LILRA4: variants seen among roughly 807,000 people sequenced by gnomAD.
The protein encoded by LILRA4 is leukocyte immunoglobulin like receptor A4.
In LILRA4, 51 loss-of-function variants were observed where a neutral mutation model predicts 49.5. The observed-to-expected ratio is 1.03, with a 90% CI of 0.82 to 1.30. LILRA4 has a LOEUF of 1.30. Ranked by LOEUF, LILRA4 falls within the 50% of genes most tolerant of loss-of-function variation. The pLI is 0.00. For synonymous variants in LILRA4, 272 were observed against 265.6 expected (o/e 1.02, Z -0.23); for missense variants, 624 against 625.6 (o/e 1.00, Z 0.03).
intron 5 of LILRA4, 77 bp downstream of exon 5, chr19:54,337,323 C>T (rs929787055): frequency 1.3e-6 from 2 of 1,577,104 alleles, no homozygotes; most frequent in Non-Finnish European, 1.7e-6. Flanking sequence ...CTCATCCCGG[C>T]CATCACCACC....
In LILRA4 at chr19:54,337,138, T is replaced by A. The variant is rs1251349351; in HGVS notation, c.958A>T (p.Ile320Phe). ...DPLDILIAGQ[I>F]SDRPSLSVQP... ...ACTGAGAGGGAGGGTCTGTCAGAGA[T>A]CTGTCCTGGAGAAAAGAAGGACGGG... The change falls in exon 6 of 8, where the codon ATC (isoleucine) becomes TTC (phenylalanine). Residue 320 changes from isoleucine to phenylalanine, a missense_variant. Physicochemically the swap from Ile to Phe is conservative, Grantham distance 21 (BLOSUM62 0). Transcript: ENST00000291759. The A allele has an allele frequency of 2.5e-6, 4 of 1,612,440 alleles. No individual in the cohort carries two copies. The highest frequency in any genetic ancestry group is 2.5e-6 in the Non-Finnish European group (3 of 1,179,068).
Position 54,337,096 on chromosome 19 carries a change from C to T in LILRA4, c.1000G>A (p.Val334Met), listed in dbSNP as rs765596541. The T allele has an allele frequency of 7.4e-6, 12 of 1,613,908 alleles. No homozygotes were observed. The highest frequency in any genetic ancestry group is 1.0e-5 in the Non-Finnish European group (12 of 1,179,982). ...PSLSVQPGPTVTSGEKVTLLC... is the reference protein window; with the variant it reads ...PSLSVQPGPTMTSGEKVTLLC... The stretch of plus-strand genomic sequence containing the variant: ...AGGGTCACCTTCTCTCCTGAGGTCA[C>T]CGTGGGGCCCGGCTGCACTGAGAGG... The change falls in exon 6 of 8, where the codon GTG (valine) becomes ATG (methionine). Residue 334 changes from valine (V) to methionine (M), a missense_variant. Val to Met is a conservative substitution (Grantham distance 21). Coordinates refer to ENST00000291759, the MANE Select transcript of LILRA4 (RefSeq NM_012276.5).
rs73938668 is a variant in LILRA4 at position 54,333,760 on chromosome 19, G to C, written c.1312C>G (p.His438Asp). The part of the protein sequence containing the change: ...QKKSDSKTAP[H>D]LQDYTVENLI... Reference sequence around the variant, plus strand: ...TTCTCCACTGTGTAATCCTGGAGGTGTGGGGCTAGGGATGGTGGACAAAGA... The same window carrying C: ...TTCTCCACTGTGTAATCCTGGAGGTCTGGGGCTAGGGATGGTGGACAAAGA... The change falls in exon 8 of 8, where the codon CAC (histidine) becomes GAC (aspartate). Residue 438 changes from histidine (H) to aspartate (D), a missense_variant. Transcript: ENST00000291759. The C allele has an allele frequency of 1.3e-3, 2,087 of 1,614,094 alleles. 21 individuals carry two copies. In the African/African-American group the frequency reaches 0.022, roughly 17 times the overall value.
intron 3 of LILRA4, 24 bp from the exon 4 acceptor site, chr19:54,338,259 C>G (rs758203709): frequency 5.6e-6 from 9 of 1,597,798 alleles, no homozygotes; most frequent in Non-Finnish European, 7.7e-6. Flanking sequence ...AAAAGGCAGC[C>G]GTGTTTAAAT....
At chr19:54,334,575 G>A (rs1297061863) in intron 6 of LILRA4, 1 of 152,192 alleles carries the variant, frequency 6.6e-6, no homozygotes, top group Non-Finnish European at 1.5e-5. Context: ...TAATGACTAA[G>A]TGGGACAGAA....
chr19:54,337,451 C>T lies in LILRA4; in HGVS notation c.901G>A (p.Val301Ile), dbSNP rs55828618. The change falls in exon 5 of 8, where the codon GTC becomes ATC. Residue 301 changes from valine to isoleucine, a missense_variant. Coordinates refer to ENST00000291759, the MANE Select transcript of LILRA4 (RefSeq NM_012276.5). ...GQYRCYGAHN[V>I]SSEWSAPSDP... is the part of the protein sequence containing the mutation. ...CTGGGGGCCGACCACTCGGAGGAGA[C>T]GTTGTGTGCGCCGTAGCATCTGTAC... The T allele has an allele frequency of 2.8e-5, 45 of 1,611,654 alleles. No individual in the cohort carries two copies. The highest frequency in any genetic ancestry group is 2.4e-4 in the South Asian group (22 of 90,988).
intron 6 of LILRA4, 55 bp from the exon 7 acceptor site, chr19:54,334,020 G>C (rs2081298772): frequency 7.1e-7 from 1 of 1,408,894 alleles, no homozygotes; most frequent in African/African-American, 1.4e-5. Flanking sequence ...TCTCCCCTGG[G>C]CAATGCATTC....
chr19:54,338,300 G>C, intron 3 of LILRA4, 65 bp from the exon 4 acceptor site: 1 of 1,595,020 alleles, frequency 6.3e-7, no homozygotes, highest in East Asian at 2.2e-5. Flanking sequence ...TATCCTACAA[G>C]GCTGGGCTGT....
At position 54,337,449 on chromosome 19, in the gene LILRA4, G is replaced by A. The variant is rs138069975; in HGVS notation, c.903C>T (p.Val301=). The A allele has an allele frequency of 9.9e-6, 16 of 1,611,900 alleles. No individual in the cohort carries two copies. The African/African-American group carries it at 2.1e-4, about 22-fold the overall frequency. ...GQYRCYGAHN[V]SSEWSAPSDP... ...CACTGGGGGCCGACCACTCGGAGGA[G>A]ACGTTGTGTGCGCCGTAGCATCTGT... Residue 301 remains valine (V), a synonymous_variant, in exon 5 of 8, where the codon GTC becomes GTT. Coordinates refer to ENST00000291759, the MANE Select transcript of LILRA4 (RefSeq NM_012276.5).
chr19:54,334,834 G>C (rs2081306712), intron 6 of LILRA4: 1 of 149,590 alleles, frequency 6.7e-6, no homozygotes, highest in Admixed American at 6.6e-5. Context: ...AATTAGCCTG[G>C]CATGGTGGTG....
At chr19:54,334,123 GTT>G in intron 6 of LILRA4, 158 bp from the exon 7 acceptor site, 8 of 620,586 alleles carry the variant, frequency 1.3e-5, no homozygotes, top group Non-Finnish European at 2.3e-5. Flanking sequence ...ACGTCATTGG[GTT>G]TTTCAACCTC....
At chr19:54,337,374 C>T (rs1356692387) in intron 5 of LILRA4, 26 bp downstream of exon 5, 1 of 1,608,016 alleles carries the variant, frequency 6.2e-7, no homozygotes, top group Non-Finnish European at 8.5e-7. Flanking sequence ...CTGGGTCCCC[C>T]TGACTGAACC....
Position 54,337,498 on chromosome 19 carries a change from A to G in LILRA4, c.854T>C (p.Val285Ala). 6.2e-7 allele frequency: 1 copy of G among 1,612,622 alleles called. No homozygotes were observed. Among genetic ancestry groups the G allele is most frequent in the South Asian group, 1.1e-5 (1 of 91,024 alleles). ...GTACTGGCCCCCGTAGGAGCGGCTCACAGGGCTCAGGGTGAAGTTGGCCTG... is the reference window on the plus strand; with the variant it reads ...GTACTGGCCCCCGTAGGAGCGGCTCGCAGGGCTCAGGGTGAAGTTGGCCTG... ...LSQANFTLSP[V>A]SRSYGGQYRC... Residue 285 changes from valine (V) to alanine (A), a missense_variant, in exon 5 of 8, where the codon GTG (valine) becomes GCG (alanine). Transcript: ENST00000291759.
rs1428953927 is a variant in LILRA4, at chr19:54,339,089, G to A, written c.5C>T (p.Thr2Ile). M[T>I]LILTSLLFFG... ...GAAGAGCAGGCTTGTGAGAATGAGG[G>A]TCATGGCATCTCCTCCTCCTGGCCC... The change falls in exon 1 of 8, where the codon ACC becomes ATC. Residue 2 changes from threonine (T) to isoleucine (I), a missense_variant. Physicochemically the swap from Thr to Ile is moderately conservative, Grantham distance 89 (BLOSUM62 -1). Transcript: ENST00000291759. 1.2e-6 allele frequency: 2 copies of A among 1,614,180 alleles called. No homozygotes were observed. The highest frequency in any genetic ancestry group is 2.2e-5 in the South Asian group (2 of 91,086).
Position 54,338,429 on chromosome 19 carries a change from C to G in LILRA4, c.322G>C (p.Glu108Gln). ...ACCAGCTCCAGGGGGTCGCTGGGCT[C>G]TGACCAGCCTGCAGGGCTCTGATAG... ...CYYQSPAGWSEPSDPLELVVT... is the reference protein window; with the variant it reads ...CYYQSPAGWSQPSDPLELVVT... The change falls in exon 3 of 8, where the codon GAG becomes CAG. Residue 108 changes from glutamate to glutamine, a missense_variant. Transcript: ENST00000291759. 1 of 1,614,142 alleles carries G rather than the reference C, an allele frequency of 6.2e-7. No homozygotes were observed. The highest frequency in any genetic ancestry group is 8.5e-7 in the Non-Finnish European group (1 of 1,180,014).
rs763497161 is a variant in LILRA4 at position 54,338,144 on chromosome 19, C to T, written c.447G>A (p.Leu149=). The T allele has an allele frequency of 6.2e-7, 1 of 1,613,950 alleles. No homozygotes were observed. The highest frequency in any genetic ancestry group is 1.3e-5 in the African/African-American group (1 of 74,896). Residue 149 remains leucine, a synonymous_variant, in exon 4 of 8, where the codon CTG becomes CTA. Transcript: ENST00000291759. The part of the protein sequence containing the change: ...VTLRCASRLG[L]GRFTLIEEGD... ...CTTCCTCAATCAGAGTGAACCTGCC[C>T]AGTCCCAGCCGTGAGGCACACCGGA...
chr19:54,334,103 C>T lies in LILRA4; in HGVS notation c.1256-138G>A, dbSNP rs147181446. ...GAACACATTCTCTGCTCTCACAGGCCTCCCCTGGTACGTCATTGGGTTTTT... is the reference window on the plus strand; with the variant it reads ...GAACACATTCTCTGCTCTCACAGGCTTCCCCTGGTACGTCATTGGGTTTTT... On this transcript the variant is annotated intron_variant, in intron 6 of 7. Coordinates refer to ENST00000291759, the MANE Select transcript of LILRA4 (RefSeq NM_012276.5). 250 of 682,502 alleles carry T rather than the reference C, an allele frequency of 3.7e-4. 5 individuals are homozygous for T. In the South Asian group the frequency reaches 4.1e-3, roughly 11 times the overall value. 42.3% of individuals were successfully genotyped at this position (682,502 alleles called of 1,614,324 possible).
intron 5 of LILRA4, 58 bp downstream of exon 5, chr19:54,337,342 C>G (rs1157960237): frequency 6.3e-7 from 1 of 1,590,944 alleles, no homozygotes; most frequent in African/African-American, 1.3e-5. Flanking sequence ...CCTGGGCTCC[C>G]CCAGCAGGGC....
Position 54,337,376 on chromosome 19 carries a change from G to A in LILRA4, c.952+24C>T, listed in dbSNP as rs1233155052. ...GCCTGTGCAGAGCCTGGGTCCCCCT[G>A]ACTGAACCCGCTGGGCTCCTCACCT... is the stretch of plus-strand genomic sequence containing the variant. On this transcript the variant is annotated intron_variant, in intron 5 of 7. Coordinates refer to ENST00000291759, the MANE Select transcript of LILRA4 (RefSeq NM_012276.5). 3 of 1,608,606 alleles carry A rather than the reference G, an allele frequency of 1.9e-6. No homozygotes were observed. The Admixed American group carries it at 5.0e-5, about 27-fold the overall frequency.
Sources: allele counts gnomAD v4.1 joint callset, GRCh38; gene constraint gnomAD v4.1.1; transcripts MANE v1.5; gene names NCBI Gene and HGNC (gene_info 2026-07-23, HGNC 2026-07-21).